RNF166: variants seen among roughly 807,000 people sequenced by gnomAD.
RNF166 encodes the protein ring finger protein 166, also known as E3 ubiquitin-protein ligase RNF166.
Under a neutral mutation model 29.4 loss-of-function variants are expected in RNF166, and 19 were observed. That is an observed-to-expected ratio of 0.65 (90% CI 0.45 to 0.95). RNF166 has a LOEUF of 0.95. Ranked by LOEUF, RNF166 falls within the 40% of genes least tolerant of loss-of-function variation. The probability of loss-of-function intolerance (pLI) is 0.00; values close to 1 mark genes in which losing one functional copy is unlikely to be tolerated. For missense variants in RNF166, 347 were observed against 322.1 expected (o/e 1.08, Z -0.59); for synonymous variants, 171 against 134.5 (o/e 1.27, Z -1.88).
intron 5 of RNF166, 67 bp from the exon 6 acceptor site, chr16:88,697,700 T>A: frequency 5.0e-6 from 6 of 1,208,334 alleles, no homozygotes; most frequent in Non-Finnish European, 7.2e-6. Context: ...CCTCTGCCCA[T>A]CACCCACACA....
rs1372664452 is a variant in RNF166, at chr16:88,697,491, C to T, written c.*77G>A. On this transcript the variant is annotated 3_prime_UTR_variant, in exon 6 of 6. Transcript: ENST00000312838. ...TGAGCTCAGTCCGGTGAGGTGCGCT[C>T]CCGAGCAGGTGCCAGGTGCGACACA... 6 of 1,112,182 alleles carry T rather than the reference C, an allele frequency of 5.4e-6. No homozygotes were observed. The highest frequency in any genetic ancestry group is 2.6e-5 in the East Asian group (1 of 38,326). 68.9% of individuals were successfully genotyped at this position (1,112,182 alleles called of 1,614,324 possible).
chr16:88,698,398 G>A (rs1597401619), intron 5 of RNF166, 104 bp downstream of exon 5: 2 of 907,010 alleles, frequency 2.2e-6, no homozygotes, highest in Non-Finnish European at 3.6e-6. Flanking sequence ...TTCTGTTTCT[G>A]GCTTCCTCTG....
chr16:88,703,160 C>T (rs1470468586), intron 1 of RNF166: 15 of 985,220 alleles, frequency 1.5e-5, no homozygotes, highest in Non-Finnish European at 1.7e-5. Flanking sequence ...GAGAGAAACC[C>T]AGTGACCAGA....
Position 88,706,292 on chromosome 16 carries a change from G to A in RNF166, c.34C>T (p.Gln12Ter). The A allele has an allele frequency of 7.8e-7, 1 of 1,282,706 alleles. No homozygotes were observed. Among genetic ancestry groups the A allele is most frequent in the Non-Finnish European group, 9.8e-7 (1 of 1,015,700 alleles). The allele number at this position is 1,282,706 out of a possible 1,614,324, so 79.5% of individuals were successfully genotyped here. A position where few individuals can be genotyped will look rare whatever the true frequency, so the allele number is the denominator to read the frequency against. ...GGCCCGGCCGGCGGCTGCCGCTGCT[G>A]AGCCGAGGCCACCAGGCTGCGGAAC... ...AMFRSLVASAQQRQPPAGPAG... is the reference protein window; with the variant it reads ...AMFRSLVASA Residue 12 changes from glutamine (Q) to a stop codon, truncating the protein, a stop_gained, in exon 1 of 6, where the codon CAG becomes TAG. Transcript: ENST00000312838. LOFTEE classifies it high-confidence loss of function.
At chr16:88,702,317 G>A (rs1055882603) in intron 1 of RNF166, among the ~76,000 whole-genome samples, 4 of 152,180 alleles carry the variant, frequency 2.6e-5, no homozygotes, top group East Asian at 3.9e-4. Flanking sequence ...GAGCTGCGGC[G>A]AGGAGCTGGA....
intron 1 of RNF166, among the ~76,000 whole-genome samples, chr16:88,702,274 T>G (rs11644923): frequency 0.29 from 44,212 of 152,178 alleles, 6,746 homozygotes; most frequent in Non-Finnish European, 0.35. Flanking sequence ...GGCAGCCACA[T>G]CTGGCCTTGT....
intron 1 of RNF166, 111 bp downstream of exon 1, chr16:88,706,060 G>A (rs1332128761): frequency 2.6e-5 from 18 of 688,396 alleles, no homozygotes; most frequent in Non-Finnish European, 3.2e-5. Flanking sequence ...CCGGCGCCCC[G>A]AGTCCCCGCG....
chr16:88,706,380 G>T lies in RNF166; in HGVS notation c.-55C>A. ...CCGCTGTCCTGGCCCGGGCCGGCCC[G>T]CTAGTCACAGCCGCTACTGCGCCGC... On this transcript the variant is annotated 5_prime_UTR_variant, in exon 1 of 6. Transcript: ENST00000312838. 8.3e-7 allele frequency: 1 copy of T among 1,211,508 alleles called. No homozygotes were observed. The highest frequency in any genetic ancestry group is 1.0e-6 in the Non-Finnish European group (1 of 970,134). 75.0% of individuals were successfully genotyped at this position (1,211,508 alleles called of 1,614,324 possible). A position where few individuals can be genotyped will look rare whatever the true frequency, so the allele number is the denominator to read the frequency against.
chr16:88,706,247 G>T lies in RNF166; in HGVS notation c.79C>A (p.Leu27Met), dbSNP rs1323823973. The T allele has an allele frequency of 1.5e-6, 2 of 1,309,064 alleles. No individual in the cohort carries two copies. Among genetic ancestry groups the T allele is most frequent in the South Asian group, 3.7e-5 (2 of 54,148 alleles). 81.1% of individuals were successfully genotyped at this position (1,309,064 alleles called of 1,614,324 possible). A position where few individuals can be genotyped will look rare whatever the true frequency, so the allele number is the denominator to read the frequency against. The change falls in exon 1 of 6, where the codon CTG (leucine) becomes ATG (methionine). Residue 27 changes from leucine (L) to methionine (M), a missense_variant. Physicochemically the swap from Leu to Met is conservative, Grantham distance 15. Coordinates refer to ENST00000312838, the MANE Select transcript of RNF166 (RefSeq NM_178841.4). ...PAGPAGGDSGLEAQYTCPICL... is the reference protein window; with the variant it reads ...PAGPAGGDSGMEAQYTCPICL... ...ATGGGGCAGGTGTACTGCGCCTCCAGGCCGCTGTCGCCGCCCGCCGGCCCG... is the reference window on the plus strand; with the variant it reads ...ATGGGGCAGGTGTACTGCGCCTCCATGCCGCTGTCGCCGCCCGCCGGCCCG...
chr16:88,697,425 C>T lies in RNF166; in HGVS notation c.*143G>A, dbSNP rs1244997471. On this transcript the variant is annotated 3_prime_UTR_variant, in exon 6 of 6. Coordinates refer to ENST00000312838, the MANE Select transcript of RNF166 (RefSeq NM_178841.4). The stretch of plus-strand genomic sequence containing the variant: ...TGGCCCGTATTCAGGCCCGGAGGCT[C>T]GGCCCCGGCTCCCCTTCTGCGCGGG... 1.1e-5 allele frequency: 7 copies of T among 617,410 alleles called. No homozygotes were observed. The highest frequency in any genetic ancestry group is 3.0e-5 in the East Asian group (1 of 33,324). 38.2% of individuals were successfully genotyped at this position (617,410 alleles called of 1,614,324 possible). A position where few individuals can be genotyped will look rare whatever the true frequency, so the allele number is the denominator to read the frequency against.
At position 88,696,816 on chromosome 16, in the gene RNF166, CA is replaced by C. The variant is rs908150025; in HGVS notation, c.*751del. ...TTCCTGGTCATCAAAGAGAAACGTACAAACCTCAAGGACCCAGACACACAGT... is the reference window on the plus strand; with the variant it reads ...TTCCTGGTCATCAAAGAGAAACGTACAACCTCAAGGACCCAGACACACAGT... On this transcript the variant is annotated 3_prime_UTR_variant, in exon 6 of 6. Transcript: ENST00000312838. 9 of 346,766 alleles carry C rather than the reference CA, an allele frequency of 2.6e-5. No individual in the cohort carries two copies. Among genetic ancestry groups the C allele is most frequent in the Non-Finnish European group, 4.5e-5 (8 of 179,676 alleles). The allele number at this position is 346,766 out of a possible 1,614,324, so 21.5% of individuals were successfully genotyped here.
At chr16:88,703,674 G>C in intron 1 of RNF166, 1 of 985,520 alleles carries the variant, frequency 1.0e-6, no homozygotes. Context: ...GGCTGGTGCT[G>C]AGCAGCTTCT....
chr16:88,702,879 G>A, intron 1 of RNF166: 1 of 985,530 alleles, frequency 1.0e-6, no homozygotes, highest in Non-Finnish European at 1.2e-6. Flanking sequence ...CCGTTCACGG[G>A]AGGAAGGTGC....
rs762922489 is a variant in RNF166, at chr16:88,699,655, G to A, written c.390C>T (p.Phe130=). The change falls in exon 3 of 6, where the codon TTC becomes TTT. Residue 130 remains phenylalanine (F), a synonymous_variant. Transcript: ENST00000312838. ...GCTGTGATGTGGGCACCACGGGGAC[G>A]AACTTGGGGCAGTTGGCCATCTGCT... is the stretch of plus-strand genomic sequence containing the variant. ...VQEQMANCPK[F]VPVVPTSQPI... is the part of the protein sequence containing the mutation. 12 of 1,613,364 alleles carry A rather than the reference G, an allele frequency of 7.4e-6. No individual in the cohort carries two copies. The highest frequency in any genetic ancestry group is 6.7e-5 in the Admixed American group (4 of 59,996).
chr16:88,698,832 C>A (rs1909906717), intron 4 of RNF166, 139 bp downstream of exon 4: 1 of 735,550 alleles, frequency 1.4e-6, no homozygotes, highest in Non-Finnish European at 2.3e-6. Flanking sequence ...GCTCGGGCAG[C>A]CAAGTTCCCA....
At chr16:88,704,171 A>G (rs1910539769) in intron 1 of RNF166, 2 of 985,370 alleles carry the variant, frequency 2.0e-6, no homozygotes, top group Admixed American at 6.1e-5. Context: ...GAACCAGACC[A>G]GCAACAAACT....
At chr16:88,703,732 C>A in intron 1 of RNF166, 1 of 985,492 alleles carries the variant, frequency 1.0e-6, no homozygotes, top group Non-Finnish European at 1.2e-6. Flanking sequence ...GCGTCGACAG[C>A]CTTACAAAGG....
At chr16:88,702,990 T>G in intron 1 of RNF166, 1 of 985,496 alleles carries the variant, frequency 1.0e-6, no homozygotes, top group Non-Finnish European at 1.2e-6. Context: ...GGTAAACGGA[T>G]GAAGAGACGG....
At chr16:88,703,369 G>A (rs924383838) in intron 1 of RNF166, 5 of 985,382 alleles carry the variant, frequency 5.1e-6, no homozygotes, top group Admixed American at 6.1e-5. Flanking sequence ...CGGGCTGAGG[G>A]GAAGGAAAAG....
Sources: allele counts gnomAD v4.1 joint callset (sites outside exome capture counted in the v4.1 genomes callset), GRCh38; gene constraint gnomAD v4.1.1; transcripts MANE v1.5; gene names NCBI Gene and HGNC (gene_info 2026-07-23, HGNC 2026-07-21).